SGCZ: variants seen among roughly 807,000 people sequenced by gnomAD.
The protein encoded by SGCZ is sarcoglycan zeta, also known as zeta-sarcoglycan.
Under a neutral mutation model 41.3 loss-of-function variants are expected in SGCZ, and 40 were observed. That is an observed-to-expected ratio of 0.97 (90% CI 0.75 to 1.26). The LOEUF is 1.26. SGCZ is among the 50% of genes most tolerant of loss of function. SGCZ has a pLI of 0.00. For synonymous variants in SGCZ, 206 were observed against 137.5 expected (o/e 1.50, Z -3.49); for missense variants, 552 against 369.8 (o/e 1.49, Z -4.04).
intron 2 of SGCZ, among the ~76,000 whole-genome samples, chr8:14,537,883 G>C (rs1051741991): frequency 6.6e-6 from 1 of 151,924 alleles, no homozygotes; most frequent in Admixed American, 6.6e-5. Flanking sequence ...ATGGAGAAAT[G>C]AATCGATAAA....
chr8:14,817,771 G>C (rs1015387635), intron 1 of SGCZ, among the ~76,000 whole-genome samples: 2 of 152,130 alleles, frequency 1.3e-5, no homozygotes, highest in Admixed American at 6.5e-5. Flanking sequence ...GCTCATTGTT[G>C]TGCACAGCCC....
chr8:14,146,991 G>T (rs1803547387), intron 5 of SGCZ, among the ~76,000 whole-genome samples: 2 of 150,480 alleles, frequency 1.3e-5, no homozygotes, highest in Non-Finnish European at 3.0e-5. Flanking sequence ...AGGAGAAAAA[G>T]CCAAGGCTTA....
intron 1 of SGCZ, among the ~76,000 whole-genome samples, chr8:14,595,163 TC>T (rs1805368257): frequency 6.6e-6 from 1 of 152,142 alleles, no homozygotes; most frequent in African/African-American, 2.4e-5. Flanking sequence ...CTTTCAAGTG[TC>T]CCCCTAGACT....
At chr8:14,102,307 A>G (rs941371186) in intron 7 of SGCZ, 69 bp downstream of exon 7, 206 of 1,310,130 alleles carry the variant, frequency 1.6e-4, no homozygotes, top group Non-Finnish European at 1.9e-4. Flanking sequence ...AATTATAAAT[A>G]GGACATCTAA....
intron 3 of SGCZ, among the ~76,000 whole-genome samples, chr8:14,296,816 T>C (rs547690500): frequency 1.2e-4 from 19 of 152,186 alleles, no homozygotes; most frequent in African/African-American, 3.9e-4. Context: ...AATTTAAAAA[T>C]ACGTATCAAA....
intron 1 of SGCZ, among the ~76,000 whole-genome samples, chr8:14,845,283 T>C (rs2130637610): frequency 6.6e-6 from 1 of 152,282 alleles, no homozygotes; most frequent in African/African-American, 2.4e-5. Context: ...TAATTATTCC[T>C]ACACTGAGTA....
Position 15,231,105 on chromosome 8 carries a change from T to C in SGCZ, c.39+6480A>G, listed in dbSNP as rs568775406. 5.8e-4 allele frequency among the ~76,000 whole-genome samples: 88 copies of C among 152,330 alleles called. 1 individual carries two copies. Among genetic ancestry groups the C allele is most frequent in the Non-Finnish European group, 1.1e-3 (76 of 68,032 alleles). ...TAGTACTTTGCATGCTTCTGAATTC[T>C]AACTGCTTCTGAGCTCCATTTTAGC... On this transcript the variant is annotated intron_variant, in intron 1 of 7. Coordinates refer to ENST00000382080, the MANE Select transcript of SGCZ (RefSeq NM_139167.4).
chr8:14,833,371 C>T (rs185820525), intron 1 of SGCZ, among the ~76,000 whole-genome samples: 2 of 152,118 alleles, frequency 1.3e-5, no homozygotes, highest in Admixed American at 1.3e-4. Context: ...TATTAAAATC[C>T]CAGAGAAGCC....
At position 14,087,235 on chromosome 8, in the gene SGCZ, T is replaced by A. The variant is rs1801546307; in HGVS notation, c.*3208A>T. ...TGTGTGTGTATGACTAATAAGTAAGTACCGGATAGAAATTTTGGAAATGTT... is the reference window on the plus strand; with the variant it reads ...TGTGTGTGTATGACTAATAAGTAAGAACCGGATAGAAATTTTGGAAATGTT... On this transcript the variant is annotated 3_prime_UTR_variant, in exon 8 of 8. Coordinates refer to ENST00000382080, the MANE Select transcript of SGCZ (RefSeq NM_139167.4). 6.6e-6 allele frequency among the ~76,000 whole-genome samples: 1 copy of A among 151,634 alleles called. No homozygotes were observed. Among genetic ancestry groups the A allele is most frequent in the Non-Finnish European group, 1.5e-5 (1 of 67,726 alleles).
chr8:14,372,856 C>A lies in SGCZ; in HGVS notation c.235-48652G>T, dbSNP rs1037781696. Among the ~76,000 whole-genome samples, 8 of 152,138 alleles carry A rather than the reference C, an allele frequency of 5.3e-5. No homozygotes were observed. The South Asian group carries it at 1.5e-3, about 28-fold the overall frequency. On this transcript the variant is annotated intron_variant, in intron 2 of 7. Coordinates refer to ENST00000382080, the MANE Select transcript of SGCZ (RefSeq NM_139167.4). ...GGTGATGAGACGTGTTGTAGAGAAGCAGTAGCAGTTCACGAGGGACTTAGT... is the reference window on the plus strand; with the variant it reads ...GGTGATGAGACGTGTTGTAGAGAAGAAGTAGCAGTTCACGAGGGACTTAGT...
At chr8:14,342,476 C>T (rs528688288) in intron 2 of SGCZ, among the ~76,000 whole-genome samples, 42 of 152,162 alleles carry the variant, frequency 2.8e-4, no homozygotes, top group South Asian at 6.2e-4. Context: ...CCATCACGCC[C>T]GGCTAATTTT....
chr8:14,558,588 G>GAGAA (rs1192164667), intron 1 of SGCZ, among the ~76,000 whole-genome samples: 29 of 146,470 alleles, frequency 2.0e-4, no homozygotes, highest in Non-Finnish European at 3.6e-4. Flanking sequence ...GAGAGAGAGA[G>GAGAA]AGAGAGAGAG....
intron 2 of SGCZ, among the ~76,000 whole-genome samples, chr8:14,379,652 G>C (rs1315588665): frequency 6.6e-6 from 1 of 151,906 alleles, no homozygotes; most frequent in East Asian, 1.9e-4. Context: ...TGTAATAATA[G>C]GCAAACACTA....
intron 1 of SGCZ, among the ~76,000 whole-genome samples, chr8:14,845,113 A>C (rs1159905495): frequency 6.6e-6 from 1 of 152,174 alleles, no homozygotes; most frequent in East Asian, 1.9e-4. Flanking sequence ...AAAACCACTG[A>C]AGGACAGGGA....
At chr8:14,129,995 G>C (rs1382523960) in intron 5 of SGCZ, among the ~76,000 whole-genome samples, 3 of 152,088 alleles carry the variant, frequency 2.0e-5, no homozygotes, top group Admixed American at 2.0e-4. Flanking sequence ...GTGATCCCAA[G>C]TTCATATGAA....
intron 4 of SGCZ, among the ~76,000 whole-genome samples, chr8:14,192,551 G>T (rs1358197919): frequency 1.3e-5 from 2 of 151,730 alleles, no homozygotes; most frequent in Non-Finnish European, 3.0e-5. Context: ...TATGATATTT[G>T]AGTTTTTATT....
intron 1 of SGCZ, among the ~76,000 whole-genome samples, chr8:14,998,368 A>G (rs927394127): frequency 6.6e-6 from 1 of 152,222 alleles, no homozygotes; most frequent in African/African-American, 2.4e-5. Flanking sequence ...TTGTAGCTAT[A>G]AGCTTTCCAG....
Position 14,689,550 on chromosome 8 carries a change from G to T in SGCZ, c.40-134624C>A, listed in dbSNP as rs1585184624. ...TTTGGGAATTTTTAGCACACTAAGG[G>T]CTTTTGTTATTACTAACATAATTAA... is the stretch of plus-strand genomic sequence containing the variant. On this transcript the variant is annotated intron_variant, in intron 1 of 7. Coordinates refer to ENST00000382080, the MANE Select transcript of SGCZ (RefSeq NM_139167.4). Among the ~76,000 whole-genome samples, 2 of 152,156 alleles carry T rather than the reference G, an allele frequency of 1.3e-5. 1 individual carries two copies. The highest frequency in any genetic ancestry group is 1.3e-4 in the Admixed American group (2 of 15,292).
intron 2 of SGCZ, among the ~76,000 whole-genome samples, chr8:14,464,075 G>C (rs1800978710): frequency 6.6e-6 from 1 of 151,584 alleles, no homozygotes; most frequent in African/African-American, 2.4e-5. Context: ...CTTGTCTCTA[G>C]TTTTTGTATC....
Sources: allele counts gnomAD v4.1 joint callset (sites outside exome capture counted in the v4.1 genomes callset), GRCh38; gene constraint gnomAD v4.1.1; transcripts MANE v1.5; gene names NCBI Gene and HGNC (gene_info 2026-07-23, HGNC 2026-07-21).